Variants in DNAH12 observed in about 807,000 individuals in gnomAD.
The protein encoded by DNAH12 is axonemal beta dynein heavy chain 12.
Under a neutral mutation model 371.5 loss-of-function variants are expected in DNAH12, and 285 were observed. The ratio of observed to expected loss-of-function variants is 0.77; its 90% CI spans 0.70 to 0.85. The LOEUF is 0.85. Among genes scored for constraint, DNAH12 ranks in the 40% least tolerant of loss-of-function variants. The probability of loss-of-function intolerance (pLI) is 0.00; values close to 1 mark genes in which losing one functional copy is unlikely to be tolerated. For missense variants in DNAH12, 3,611 were observed against 3,689.4 expected (o/e 0.98, Z 0.55); for synonymous variants, 1,200 against 1,213.0 (o/e 0.99, Z 0.22).
chr3:57,517,129 C>A (rs2068229743), intron 4 of DNAH12, among the ~76,000 whole-genome samples: 1 of 152,146 alleles, frequency 6.6e-6, no homozygotes, highest in African/African-American at 2.4e-5. Flanking sequence ...TAAATGTCAC[C>A]ACCTCAGGGA....
At chr3:57,397,729 C>T (rs2063774672) in intron 43 of DNAH12, among the ~76,000 whole-genome samples, 1 of 152,186 alleles carries the variant, frequency 6.6e-6, no homozygotes, top group African/African-American at 2.4e-5. Context: ...AATAAAAGCA[C>T]ACATACAACC....
intron 4 of DNAH12, among the ~76,000 whole-genome samples, chr3:57,515,068 G>C (rs1422016367): frequency 6.6e-6 from 1 of 152,142 alleles, no homozygotes; most frequent in Non-Finnish European, 1.5e-5. Flanking sequence ...AGGGGGACAG[G>C]CTAGAATAAA....
chr3:57,500,216 T>A (rs2067492551), intron 11 of DNAH12, among the ~76,000 whole-genome samples: 1 of 152,044 alleles, frequency 6.6e-6, no homozygotes, highest in Non-Finnish European at 1.5e-5. Flanking sequence ...AATTCTTGTA[T>A]TTTTAGTAGA....
Position 57,529,783 on chromosome 3 carries a change from T to G in DNAH12, c.171-5899A>C, listed in dbSNP as rs774599275. On this transcript the variant is annotated intron_variant, in intron 2 of 73. Coordinates refer to ENST00000495027, the MANE Select transcript of DNAH12 (RefSeq NM_001366028.2). ...TTCTTTTCTTCAGCTAATTTTGGTT[T>G]GGTTTGCTCTTGTTTTTGTCATTTG... Among the ~76,000 whole-genome samples the G allele has an allele frequency of 4.6e-5, 7 of 152,296 alleles. No homozygotes were observed. The South Asian group carries it at 6.2e-4, about 14-fold the overall frequency.
In DNAH12 at chr3:57,424,543, C is replaced by T. The variant is rs370595477; in HGVS notation, c.5373+479G>A. On this transcript the variant is annotated intron_variant, in intron 35 of 73. Coordinates refer to ENST00000495027, the MANE Select transcript of DNAH12 (RefSeq NM_001366028.2). ...CAGTAATCCCAGCACTTTGGGAGGC[C>T]GATGCGGGTGGATCACGAGGTCAGG... is the stretch of plus-strand genomic sequence containing the variant. 7.8e-4 allele frequency among the ~76,000 whole-genome samples: 115 copies of T among 148,096 alleles called. No homozygotes were observed. The East Asian group carries it at 7.8e-3, about 10-fold the overall frequency.
intron 11 of DNAH12, among the ~76,000 whole-genome samples, chr3:57,495,429 C>G (rs1475205995): frequency 6.6e-6 from 1 of 150,656 alleles, no homozygotes; most frequent in Non-Finnish European, 1.5e-5. Context: ...GGCGTGGTCA[C>G]GGGCACTTGT....
Position 57,508,433 on chromosome 3 carries a change from AG to A in DNAH12, c.649del (p.Gly218ValfsTer27). 2.5e-6 allele frequency: 4 copies of A among 1,612,398 alleles called. No individual in the cohort carries two copies. Among genetic ancestry groups the A allele is most frequent in the Non-Finnish European group, 2.5e-6 (3 of 1,179,698 alleles). On this transcript the variant is annotated frameshift_variant, in exon 7 of 74. Coordinates refer to ENST00000495027, the MANE Select transcript of DNAH12 (RefSeq NM_001366028.2). LOFTEE classifies it high-confidence loss of function. ...TGTATCAGCAAATGTTGTATAACCA[AG>A]GTCCAGTAACATTTTCATAGTTGGA... ...IHPTMKMLLD[L>X]GYTTFADTVL...
intron 29 of DNAH12, among the ~76,000 whole-genome samples, chr3:57,444,423 C>T (rs2065409712): frequency 1.3e-5 from 2 of 152,016 alleles, no homozygotes; most frequent in Admixed American, 1.3e-4. Flanking sequence ...AACTCCTGAC[C>T]TCAGGTGATC....
Position 57,508,195 on chromosome 3 carries a change from A to C in DNAH12, c.701+187T>G, listed in dbSNP as rs545235852. On this transcript the variant is annotated intron_variant, in intron 7 of 73. Coordinates refer to ENST00000495027, the MANE Select transcript of DNAH12 (RefSeq NM_001366028.2). ...GAGCAAGACTCCATCACGGGAAAAA[A>C]AAAACAAAAAAAAAAAAAACCAAAA... 1.5e-3 allele frequency among the ~76,000 whole-genome samples: 161 copies of C among 104,796 alleles called. 1 individual carries two copies. The highest frequency in any genetic ancestry group is 3.7e-3 in the African/African-American group (125 of 33,954). The allele number at this position is 104,796 out of a possible 152,430, so 68.8% of individuals were successfully genotyped here. A position where few individuals can be genotyped will look rare whatever the true frequency, so the allele number is the denominator to read the frequency against.
At position 57,321,594 on chromosome 3, in the gene DNAH12, T is replaced by C. The variant is rs147823500; in HGVS notation, c.10524+749A>G. Among the ~76,000 whole-genome samples, 68 of 152,270 alleles carry C rather than the reference T, an allele frequency of 4.5e-4. 2 individuals are homozygous for C. In the East Asian group the frequency reaches 0.012, roughly 27 times the overall value. ...ATATGCTCAGCCCAGCTTCTCCCTT[T>C]TCTTTCTTAGAAGTGAGCTTCTTAC... On this transcript the variant is annotated intron_variant, in intron 65 of 73. Transcript: ENST00000495027.
In DNAH12 at chr3:57,404,862, C is replaced by A; in HGVS notation, c.6755+107G>T. The A allele has an allele frequency of 8.7e-6, 9 of 1,034,154 alleles. No homozygotes were observed. In the South Asian group the frequency reaches 1.9e-4, roughly 22 times the overall value. The allele number at this position is 1,034,154 out of a possible 1,614,324, so 64.1% of individuals were successfully genotyped here. ...TATGTTTTATGCTGGATAATGGGTACAAAGTCATTCACTGTATTTTTCTTT... is the reference window on the plus strand; with the variant it reads ...TATGTTTTATGCTGGATAATGGGTAAAAAGTCATTCACTGTATTTTTCTTT... On this transcript the variant is annotated intron_variant, in intron 42 of 73. Transcript: ENST00000495027.
intron 60 of DNAH12, among the ~76,000 whole-genome samples, chr3:57,348,119 G>A (rs1308044273): frequency 6.6e-6 from 1 of 152,152 alleles, no homozygotes; most frequent in East Asian, 1.9e-4. Context: ...CAACTAAGAT[G>A]TCCATCAGTA....
chr3:57,542,753 G>C lies in DNAH12; in HGVS notation c.118C>G (p.Leu40Val). The change falls in exon 2 of 74, where the codon CTG becomes GTG. Residue 40 changes from leucine (L) to valine (V), a missense_variant. This residue lies in a region of DNAH12 where 1,314 missense variants were observed against 1,398.7 expected (regional missense o/e 0.94). Transcript: ENST00000495027. Reference sequence around the variant, plus strand: ...TCCTTGGATCTTCTGTATTTTAGCAGCTTACTTTGTGTTGGTGTATCAACG... The same window carrying C: ...TCCTTGGATCTTCTGTATTTTAGCACCTTACTTTGTGTTGGTGTATCAACG... ...IGVDTPTQSK[L>V]LKYRRSKEQQ... 6.2e-7 allele frequency: 1 copy of C among 1,611,060 alleles called. No homozygotes were observed. Among genetic ancestry groups the C allele is most frequent in the Non-Finnish European group, 8.5e-7 (1 of 1,178,644 alleles).
chr3:57,442,534 T>C (rs2065340491), intron 29 of DNAH12, among the ~76,000 whole-genome samples: 1 of 152,064 alleles, frequency 6.6e-6, no homozygotes, highest in South Asian at 2.1e-4. Context: ...ATAAAGCCAA[T>C]AGAGAAGATA....
Position 57,511,552 on chromosome 3 carries a change from T to A in DNAH12, c.280-573A>T, listed in dbSNP as rs138100755. ...TGATTTAACACAATACCAATAAAAT[T>A]ATCTACATACATTTTTATGGAATTA... On this transcript the variant is annotated intron_variant, in intron 4 of 73. Transcript: ENST00000495027. Among the ~76,000 whole-genome samples the A allele has an allele frequency of 7.4e-3, 1,127 of 152,344 alleles. 9 individuals carry two copies. Among genetic ancestry groups the A allele is most frequent in the Non-Finnish European group, 0.011 (773 of 68,034 alleles).
chr3:57,323,504 A>G lies in DNAH12; in HGVS notation c.10094T>C (p.Ile3365Thr), dbSNP rs1483283955. ...YLDSNCTIPL[I>T]FVLSPGADPM... ...ATCTGCTCCTGGAGATAGAACAAAAATTAAGGGAATGGTGCAATTTGAATC... is the reference window on the plus strand; with the variant it reads ...ATCTGCTCCTGGAGATAGAACAAAAGTTAAGGGAATGGTGCAATTTGAATC... Residue 3365 changes from isoleucine (I) to threonine (T), a missense_variant, in exon 63 of 74, where the codon ATT (isoleucine) becomes ACT (threonine). By Grantham distance (89) the Ile-to-Thr change is moderately conservative. Around this residue, in one of 3 missense-constraint regions of DNAH12, gnomAD observed 2,266 missense variants for 2,236.9 expected, o/e 1.01. Coordinates refer to ENST00000495027, the MANE Select transcript of DNAH12 (RefSeq NM_001366028.2). 2.6e-6 allele frequency: 4 copies of G among 1,550,652 alleles called. No individual in the cohort carries two copies. In the South Asian group the frequency reaches 4.8e-5, roughly 19 times the overall value.
intron 62 of DNAH12, among the ~76,000 whole-genome samples, chr3:57,326,103 G>A (rs1286785125): frequency 9.2e-5 from 14 of 151,904 alleles, no homozygotes; most frequent in Middle Eastern, 3.2e-3. Flanking sequence ...TGAAAGTGAC[G>A]GGGAGAATGG....
intron 4 of DNAH12, among the ~76,000 whole-genome samples, chr3:57,516,774 C>G (rs530423529): frequency 6.6e-6 from 1 of 152,084 alleles, no homozygotes; most frequent in Non-Finnish European, 1.5e-5. Flanking sequence ...ATCTAAGTGG[C>G]CTTTTTCATA....
chr3:57,471,622 T>A lies in DNAH12; in HGVS notation c.1777-16A>T. On this transcript the variant is annotated splice_polypyrimidine_tract_variant and intron_variant, in intron 14 of 73. Coordinates refer to ENST00000495027, the MANE Select transcript of DNAH12 (RefSeq NM_001366028.2). ...TCTCAATTAGCTTTTTAAAAGACAA[T>A]TTGATCATGTTAGTTAATCTGTAAC... The A allele has an allele frequency of 1.3e-6, 2 of 1,517,688 alleles. No homozygotes were observed. The highest frequency in any genetic ancestry group is 1.8e-6 in the Non-Finnish European group (2 of 1,133,380). The allele number at this position is 1,517,688 out of a possible 1,614,324, so 94.0% of individuals were successfully genotyped here.
Sources: allele counts gnomAD v4.1 joint callset (sites outside exome capture counted in the v4.1 genomes callset), GRCh38; gene constraint gnomAD v4.1.1; regional missense constraint gnomAD v4.1.1; transcripts MANE v1.5; gene names NCBI Gene and HGNC (gene_info 2026-07-23, HGNC 2026-07-21).